MITF: variants seen among roughly 807,000 people sequenced by gnomAD.
MITF encodes melanocyte inducing transcription factor, also known as microphthalmia-associated transcription factor.
In MITF, 17 loss-of-function variants were observed where a neutral mutation model predicts 60.5. The observed-to-expected ratio is 0.28, with a 90% CI of 0.19 to 0.42. The LOEUF is 0.42. Ranked by LOEUF, MITF falls within the 10% of genes least tolerant of loss-of-function variation. The pLI is 1.00. For missense variants in MITF, 622 were observed against 683.5 expected, an observed-to-expected ratio of 0.91 and a Z score of 1.00; for synonymous variants, 260 against 248.5, an observed-to-expected ratio of 1.05 and a Z score of -0.43.
intron 1 of MITF, among the ~76,000 whole-genome samples, chr3:69,830,766 C>A (rs2063433710): frequency 6.6e-6 from 1 of 152,168 alleles, no homozygotes; most frequent in African/African-American, 2.4e-5. Flanking sequence ...GTGTGCCCAA[C>A]ATGGAGCTTA....
chr3:69,870,787 C>T (rs770696997), intron 1 of MITF, among the ~76,000 whole-genome samples: 49 of 152,032 alleles, frequency 3.2e-4, no homozygotes, highest in Non-Finnish European at 6.0e-4. Flanking sequence ...AGCATGTAGC[C>T]AGTCCAGCTC....
At chr3:69,900,262 T>C (rs1165060834) in intron 2 of MITF, among the ~76,000 whole-genome samples, 1 of 152,138 alleles carries the variant, frequency 6.6e-6, no homozygotes, top group Non-Finnish European at 1.5e-5. Context: ...TCAGCCACCC[T>C]GTTGCAGCCG....
chr3:69,812,371 G>A (rs961166886), intron 1 of MITF, among the ~76,000 whole-genome samples: 2 of 152,120 alleles, frequency 1.3e-5, no homozygotes, highest in African/African-American at 2.4e-5. Flanking sequence ...AGATCATCTC[G>A]TATCCCCTCA....
intron 2 of MITF, chr3:69,936,545 T>G: frequency 7.2e-7 from 1 of 1,389,986 alleles, no homozygotes. Flanking sequence ...CATGCATAAC[T>G]AATTAGCTTA....
chr3:69,953,324 C>A (rs536299841), intron 7 of MITF, among the ~76,000 whole-genome samples: 6 of 152,054 alleles, frequency 3.9e-5, no homozygotes, highest in African/African-American at 1.4e-4. Context: ...ACAATAGATA[C>A]CTGTAATTAG....
In MITF at chr3:69,913,687, G is replaced by C. The variant is rs141487552; in HGVS notation, c.355-24135G>C. Among the ~76,000 whole-genome samples, 116 of 152,264 alleles carry C rather than the reference G, an allele frequency of 7.6e-4. No homozygotes were observed. The East Asian group carries it at 0.02, about 26-fold the overall frequency. On this transcript the variant is annotated intron_variant, in intron 2 of 9. Transcript: ENST00000352241. ...GCACAGCTCATTGGACAGGAAGGGAGAGCCAGGTAGTTCCCTGGTTGCATG... is the reference window on the plus strand; with the variant it reads ...GCACAGCTCATTGGACAGGAAGGGACAGCCAGGTAGTTCCCTGGTTGCATG...
intron 1 of MITF, among the ~76,000 whole-genome samples, chr3:69,782,441 CACA>C (rs1198819468): frequency 1.3e-5 from 2 of 152,330 alleles, no homozygotes; most frequent in African/African-American, 4.8e-5. Flanking sequence ...ATTTCATCTT[CACA>C]ACAAGTCTAT....
chr3:69,831,775 C>T (rs2063451494), intron 1 of MITF, among the ~76,000 whole-genome samples: 1 of 152,134 alleles, frequency 6.6e-6, no homozygotes, highest in Non-Finnish European at 1.5e-5. Flanking sequence ...AGCAGAATGA[C>T]ACAGTGAAAG....
chr3:69,751,124 AC>A (rs1685830761), intron 1 of MITF, among the ~76,000 whole-genome samples: 2 of 152,210 alleles, frequency 1.3e-5, no homozygotes, highest in Admixed American at 1.3e-4. Flanking sequence ...TACTGCAGTC[AC>A]TTGACTGAAA....
At chr3:69,854,754 C>T (rs564777563) in intron 1 of MITF, among the ~76,000 whole-genome samples, 1 of 152,240 alleles carries the variant, frequency 6.6e-6, no homozygotes, top group Non-Finnish European at 1.5e-5. Context: ...TAACAGCATC[C>T]CTGGCCTCTA....
chr3:69,785,817 G>T (rs573042454), intron 1 of MITF, among the ~76,000 whole-genome samples: 1 of 152,284 alleles, frequency 6.6e-6, no homozygotes, highest in African/African-American at 2.4e-5. Context: ...AAAAGGAATC[G>T]TGGGAGGTGA....
chr3:69,797,424 A>T (rs1465205659), intron 1 of MITF, among the ~76,000 whole-genome samples: 1 of 152,190 alleles, frequency 6.6e-6, no homozygotes, highest in Non-Finnish European at 1.5e-5. Context: ...TGGACTACAG[A>T]AAAGAAATGG....
intron 7 of MITF, among the ~76,000 whole-genome samples, chr3:69,953,657 A>G (rs1205964712): frequency 7.1e-6 from 1 of 140,416 alleles, no homozygotes; most frequent in Admixed American, 7.5e-5. Context: ...GTATATATAT[A>G]TATATAGAGA....
intron 1 of MITF, among the ~76,000 whole-genome samples, chr3:69,843,028 G>C (rs2063668188): frequency 6.6e-6 from 1 of 152,170 alleles, no homozygotes; most frequent in African/African-American, 2.4e-5. Context: ...TGCCAGATGG[G>C]CTGTCCAGTA....
At chr3:69,767,151 AG>A (rs1395129589) in intron 1 of MITF, among the ~76,000 whole-genome samples, 1 of 152,208 alleles carries the variant, frequency 6.6e-6, no homozygotes, top group African/African-American at 2.4e-5. Flanking sequence ...TACTCTCCAA[AG>A]CACATGTCTC....
chr3:69,866,289 A>G (rs750290559), intron 1 of MITF: 3 of 1,613,526 alleles, frequency 1.9e-6, no homozygotes, highest in Non-Finnish European at 2.5e-6. Context: ...AAAGGAAAAA[A>G]GATGGAGGCG....
intron 2 of MITF, among the ~76,000 whole-genome samples, chr3:69,923,832 A>C (rs1287520648): frequency 6.6e-6 from 1 of 152,178 alleles, no homozygotes; most frequent in Non-Finnish European, 1.5e-5. Flanking sequence ...TCCTCCCTTT[A>C]CAGATTTTTA....
chr3:69,792,189 G>A (rs1466591266), intron 1 of MITF, among the ~76,000 whole-genome samples: 2 of 152,180 alleles, frequency 1.3e-5, no homozygotes, highest in East Asian at 3.8e-4. Flanking sequence ...ACAAAACAAA[G>A]CCAACTGAAC....
At chr3:69,828,647 A>G (rs1425432576) in intron 1 of MITF, among the ~76,000 whole-genome samples, 6 of 152,062 alleles carry the variant, frequency 3.9e-5, no homozygotes, top group Non-Finnish European at 8.8e-5. Flanking sequence ...TGGTATTTTG[A>G]TATATAAAAT....
Sources: gnomAD v4.1 joint callset for allele counts (sites outside exome capture counted in the v4.1 genomes callset) on GRCh38, gnomAD v4.1.1 for gene constraint, MANE v1.5 for transcripts, NCBI Gene and HGNC (gene_info 2026-07-23, HGNC 2026-07-21) for gene names.